The following WWOX variants were observed in gnomAD, a reference collection of about 807,000 sequenced individuals.
The protein encoded by WWOX is WW domain containing oxidoreductase, also known as WW domain-containing oxidoreductase.
A neutral mutation model predicts 46.2 loss-of-function variants in WWOX; 69 were observed. The observed-to-expected ratio is 1.49, with a 90% CI of 1.23 to 1.82. WWOX has a LOEUF of 1.82. Ranked by LOEUF, WWOX falls within the 40% of genes most tolerant of loss-of-function variation. WWOX has a pLI of 0.00. For synonymous variants in WWOX, 359 were observed against 202.6 expected, an observed-to-expected ratio of 1.77 and a Z score of -6.56; for missense variants, 919 against 542.6, an observed-to-expected ratio of 1.69 and a Z score of -6.89.
At chr16:79,028,308 C>T (rs1362803793) in intron 8 of WWOX, among the ~76,000 whole-genome samples, 1 of 151,730 alleles carries the variant, frequency 6.6e-6, no homozygotes. Flanking sequence ...GGAAAGTTCC[C>T]CTGGATGTAG....
At chr16:78,786,295 T>C (rs1287732328) in intron 8 of WWOX, among the ~76,000 whole-genome samples, 2 of 152,230 alleles carry the variant, frequency 1.3e-5, no homozygotes, top group Non-Finnish European at 2.9e-5. Context: ...CGAATGTCTA[T>C]TTCCATGGTG....
chr16:79,057,389 C>G (rs926855531), intron 8 of WWOX, among the ~76,000 whole-genome samples: 1 of 152,206 alleles, frequency 6.6e-6, no homozygotes, highest in Non-Finnish European at 1.5e-5. Context: ...AATTCACCGG[C>G]CATAGCATTT....
At chr16:78,809,538 C>G (rs377480417) in intron 8 of WWOX, among the ~76,000 whole-genome samples, 7 of 152,148 alleles carry the variant, frequency 4.6e-5, no homozygotes, top group Non-Finnish European at 8.8e-5. Flanking sequence ...CCAACTTCCA[C>G]TTGCCCCAAA....
Position 78,791,654 on chromosome 16 carries a change from G to T in WWOX, c.1056+358902G>T, listed in dbSNP as rs111322475. 4.4e-3 allele frequency among the ~76,000 whole-genome samples: 668 copies of T among 152,194 alleles called. 4 individuals carry two copies. The highest frequency in any genetic ancestry group is 0.015 in the African/African-American group (643 of 41,518). ...GCACTTTGGGATAATGAGATGGGTG[G>T]ATCACCTGAGGTCAGAAGTTCGAGA... On this transcript the variant is annotated intron_variant, in intron 8 of 8. Transcript: ENST00000566780.
rs114178814 is a variant in WWOX, at chr16:79,145,402, A to G, written c.1057-66206A>G. Among the ~76,000 whole-genome samples the G allele has an allele frequency of 8.6e-3, 1,316 of 152,266 alleles. 21 individuals are homozygous for G. Among genetic ancestry groups the G allele is most frequent in the African/African-American group, 0.03 (1,264 of 41,544 alleles). ...TTTTATTTTTAGAGATGGTCTCACT[A>G]TGTTGCCCAGGCTGGTCTCGATCTC... On this transcript the variant is annotated intron_variant, in intron 8 of 8. Transcript: ENST00000566780.
At chr16:78,773,786 C>G (rs2050123135) in intron 8 of WWOX, among the ~76,000 whole-genome samples, 1 of 152,120 alleles carries the variant, frequency 6.6e-6, no homozygotes, top group African/African-American at 2.4e-5. Flanking sequence ...CAAGTTTGAG[C>G]TAATTGGGAT....
chr16:78,862,086 A>ATGGGTGTGT (rs2043897404), intron 8 of WWOX, among the ~76,000 whole-genome samples: 1 of 151,988 alleles, frequency 6.6e-6, no homozygotes, highest in Non-Finnish European at 1.5e-5. Flanking sequence ...ATACACACCT[A>ATGGGTGTGT]CGGGTGTGTC....
chr16:78,126,145 T>A (rs2033351644), intron 4 of WWOX, among the ~76,000 whole-genome samples: 1 of 152,194 alleles, frequency 6.6e-6, no homozygotes, highest in South Asian at 2.1e-4. Flanking sequence ...TTCCAGCTCT[T>A]CTCCCAGTGT....
intron 5 of WWOX, among the ~76,000 whole-genome samples, chr16:78,260,511 A>T (rs1335952617): frequency 1.3e-5 from 2 of 151,456 alleles, no homozygotes; most frequent in East Asian, 3.9e-4. Flanking sequence ...CTAAAAATAC[A>T]AAAGAAATTA....
At chr16:79,170,729 T>G (rs1296575926) in intron 8 of WWOX, among the ~76,000 whole-genome samples, 2 of 152,204 alleles carry the variant, frequency 1.3e-5, no homozygotes, top group Non-Finnish European at 2.9e-5. Context: ...ATGATTTTTT[T>G]TTCTTTTTCT....
chr16:78,951,878 T>G (rs1180548114), intron 8 of WWOX, among the ~76,000 whole-genome samples: 1 of 152,176 alleles, frequency 6.6e-6, no homozygotes, highest in South Asian at 2.1e-4. Flanking sequence ...CACTCTTCAA[T>G]GGATGTGGGT....
At chr16:79,209,686 C>G (rs949458270) in intron 8 of WWOX, among the ~76,000 whole-genome samples, 1 of 152,140 alleles carries the variant, frequency 6.6e-6, no homozygotes, top group Non-Finnish European at 1.5e-5. Flanking sequence ...CTCTAAGATT[C>G]CAGGCCAAAA....
chr16:79,103,335 C>G (rs2049241030), intron 8 of WWOX, among the ~76,000 whole-genome samples: 1 of 152,148 alleles, frequency 6.6e-6, no homozygotes, highest in African/African-American at 2.4e-5. Flanking sequence ...ATTAAAGTAC[C>G]TTTAGGGGAA....
intron 8 of WWOX, among the ~76,000 whole-genome samples, chr16:78,555,836 G>C (rs1399994570): frequency 6.6e-6 from 1 of 152,106 alleles, no homozygotes; most frequent in Non-Finnish European, 1.5e-5. Flanking sequence ...TAAGAAAAAT[G>C]AGAATGCCAG....
intron 5 of WWOX, among the ~76,000 whole-genome samples, chr16:78,206,909 G>A (rs537708480): frequency 5.3e-5 from 8 of 152,280 alleles, no homozygotes; most frequent in African/African-American, 1.9e-4. Context: ...AATAGCTAAT[G>A]ATACCTCTCC....
intron 5 of WWOX, among the ~76,000 whole-genome samples, chr16:78,356,758 T>A (rs902577005): frequency 2.0e-5 from 3 of 152,120 alleles, no homozygotes; most frequent in Non-Finnish European, 2.9e-5. Context: ...GGCATGAGCC[T>A]GTAATCCCAG....
At chr16:79,124,389 A>G (rs1186222975) in intron 8 of WWOX, among the ~76,000 whole-genome samples, 7 of 152,172 alleles carry the variant, frequency 4.6e-5, no homozygotes, top group African/African-American at 1.2e-4. Context: ...ATAGAGAAGT[A>G]TAAGTAATTA....
chr16:78,156,513 T>C (rs527306869), intron 4 of WWOX, among the ~76,000 whole-genome samples: 1 of 152,362 alleles, frequency 6.6e-6, no homozygotes, highest in Admixed American at 6.5e-5. Flanking sequence ...ATTAGCAGTC[T>C]GCAAGAACCA....
At chr16:78,372,542 T>C (rs2081717539) in intron 5 of WWOX, among the ~76,000 whole-genome samples, 1 of 152,192 alleles carries the variant, frequency 6.6e-6, no homozygotes, top group Admixed American at 6.5e-5. Context: ...GTCTGAAATC[T>C]GCTCTCTGGA....
Sources: allele counts gnomAD v4.1 joint callset (sites outside exome capture counted in the v4.1 genomes callset), GRCh38; gene constraint gnomAD v4.1.1; transcripts MANE v1.5; gene names NCBI Gene and HGNC (gene_info 2026-07-23, HGNC 2026-07-21).